Variants in BTBD7 observed in about 807,000 individuals in gnomAD.
The protein encoded by BTBD7 is BTB domain containing 7.
In BTBD7, 38 loss-of-function variants were observed where a neutral mutation model predicts 99.9. The ratio of observed to expected loss-of-function variants is 0.38; its 90% CI spans 0.29 to 0.50. The LOEUF (loss-of-function observed/expected upper bound fraction) is 0.50, where lower values mean the gene tolerates loss of function less well. Among genes scored for constraint, BTBD7 ranks in the 20% least tolerant of loss-of-function variants. BTBD7 has a pLI of 0.93. For synonymous variants in BTBD7, 520 were observed against 511.4 expected (o/e 1.02, Z -0.23); for missense variants, 1,170 against 1,394.6 (o/e 0.84, Z 2.57).
Position 93,242,090 on chromosome 14 carries a change from A to T in BTBD7, c.*183T>A, listed in dbSNP as rs2052236884. On this transcript the variant is annotated 3_prime_UTR_variant, in exon 11 of 11. Transcript: ENST00000334746. The stretch of plus-strand genomic sequence containing the variant: ...CAAATTAGACAGATGCAACATTAAA[A>T]AAAAAAAACAAAACCTTCTTAGCAT... The T allele has an allele frequency of 3.4e-6, 2 of 582,564 alleles. No homozygotes were observed. Among genetic ancestry groups the T allele is most frequent in the Non-Finnish European group, 5.9e-6 (2 of 341,768 alleles). 36.1% of individuals were successfully genotyped at this position (582,564 alleles called of 1,614,324 possible). A position where few individuals can be genotyped will look rare whatever the true frequency, so the allele number is the denominator to read the frequency against.
At chr14:93,272,683 TA>T (rs1447093820) in intron 3 of BTBD7, among the ~76,000 whole-genome samples, 2 of 152,212 alleles carry the variant, frequency 1.3e-5, no homozygotes, top group Non-Finnish European at 2.9e-5. Context: ...AATCTATTTT[TA>T]AAAGGCAACC....
rs772833056 is a variant in BTBD7, at chr14:93,257,301, C to G, written c.1502G>C (p.Arg501Thr). The change falls in exon 6 of 11, where the codon AGA becomes ACA. Residue 501 changes from arginine (R) to threonine (T), a missense_variant. Arg to Thr is a moderately conservative substitution (Grantham distance 71). Coordinates refer to ENST00000334746, the MANE Select transcript of BTBD7 (RefSeq NM_001002860.4). Reference protein sequence around the residue: ...AHSVNKRGVKRRDLDMEELRE... With the variant: ...AHSVNKRGVKTRDLDMEELRE... ...GAGCTCTTCCATGTCCAGGTCCCGT[C>G]TTTTTACACCTCTTTTGTTCACACT... 5.6e-6 allele frequency: 9 copies of G among 1,614,072 alleles called. No individual in the cohort carries two copies. In the South Asian group the frequency reaches 9.9e-5, roughly 18 times the overall value.
At chr14:93,329,709 G>A (rs1249483675) in intron 1 of BTBD7, among the ~76,000 whole-genome samples, 1 of 152,148 alleles carries the variant, frequency 6.6e-6, no homozygotes, top group African/African-American at 2.4e-5. Context: ...GACAAATACT[G>A]TATAATTTCA....
At chr14:93,254,803 A>C (rs2052411262) in intron 6 of BTBD7, among the ~76,000 whole-genome samples, 1 of 152,236 alleles carries the variant, frequency 6.6e-6, no homozygotes, top group African/African-American at 2.4e-5. Context: ...GCACATACTA[A>C]GAGAGCATGA....
At chr14:93,327,021 C>A (rs1417867761) in intron 1 of BTBD7, among the ~76,000 whole-genome samples, 2 of 150,494 alleles carry the variant, frequency 1.3e-5, no homozygotes, top group Non-Finnish European at 1.5e-5. Flanking sequence ...ATTAGCCAGG[C>A]ATGGTGGCAC....
chr14:93,257,178 T>A lies in BTBD7; in HGVS notation c.1608+17A>T. On this transcript the variant is annotated intron_variant, in intron 6 of 10. Transcript: ENST00000334746. ...TTTTTCTTTTCATGAAAGGAATACA[T>A]GGAGAAAAACACTTACTGCATCACT... The A allele has an allele frequency of 3.1e-6, 5 of 1,605,764 alleles. No individual in the cohort carries two copies. The highest frequency in any genetic ancestry group is 4.2e-6 in the Non-Finnish European group (5 of 1,176,906).
intron 3 of BTBD7, chr14:93,288,698 G>A (rs751904377): frequency 1.6e-5 from 25 of 1,608,246 alleles, no homozygotes; most frequent in Non-Finnish European, 2.0e-5. Flanking sequence ...CCTGATGACT[G>A]TAGTCTCCTC....
intron 3 of BTBD7, among the ~76,000 whole-genome samples, chr14:93,269,708 G>A (rs2139718150): frequency 6.6e-6 from 1 of 152,294 alleles, no homozygotes; most frequent in East Asian, 1.9e-4. Flanking sequence ...CAATTGTTTA[G>A]TTTCTAAATG....
At chr14:93,275,246 C>G (rs561908311) in intron 3 of BTBD7, among the ~76,000 whole-genome samples, 1 of 152,320 alleles carries the variant, frequency 6.6e-6, no homozygotes, top group African/African-American at 2.4e-5. Flanking sequence ...TACTTTCTGA[C>G]AGACTGGACA....
intron 3 of BTBD7, among the ~76,000 whole-genome samples, chr14:93,289,878 CAG>C (rs1333974601): frequency 4.1e-5 from 5 of 121,706 alleles, no homozygotes; most frequent in Non-Finnish European, 8.1e-5. Context: ...TTTTTGGAGA[CAG>C]AGTCTCACTC....
chr14:93,313,972 C>G (rs2053170497), intron 1 of BTBD7, among the ~76,000 whole-genome samples: 2 of 152,012 alleles, frequency 1.3e-5, no homozygotes, highest in Non-Finnish European at 2.9e-5. Context: ...TCTTGAACTC[C>G]TAGCCTCAAG....
intron 1 of BTBD7, among the ~76,000 whole-genome samples, chr14:93,317,228 C>A (rs2053218228): frequency 6.6e-6 from 1 of 152,190 alleles, no homozygotes; most frequent in South Asian, 2.1e-4. Context: ...TGGTCTCGAA[C>A]TCCTGACCTT....
intron 3 of BTBD7, among the ~76,000 whole-genome samples, chr14:93,272,762 C>T (rs1183741616): frequency 1.3e-5 from 2 of 152,138 alleles, no homozygotes; most frequent in South Asian, 2.1e-4. Context: ...TCAACCTGCG[C>T]CTCAGTGTTC....
chr14:93,323,234 C>A (rs952667460), intron 1 of BTBD7, among the ~76,000 whole-genome samples: 3 of 151,712 alleles, frequency 2.0e-5, no homozygotes, highest in African/African-American at 7.3e-5. Flanking sequence ...ATAGCAAGAA[C>A]GCGAATAGAA....
intron 1 of BTBD7, among the ~76,000 whole-genome samples, chr14:93,323,727 G>A (rs946580501): frequency 2.0e-5 from 3 of 152,066 alleles, no homozygotes; most frequent in African/African-American, 7.2e-5. Flanking sequence ...TAATAATGAG[G>A]GGCAAGCAAA....
At chr14:93,326,503 A>AC (rs2053333838) in intron 1 of BTBD7, among the ~76,000 whole-genome samples, 1 of 151,676 alleles carries the variant, frequency 6.6e-6, no homozygotes, top group Non-Finnish European at 1.5e-5. Flanking sequence ...ACTAGCATTC[A>AC]CCCAAAAAGA....
intron 3 of BTBD7, among the ~76,000 whole-genome samples, chr14:93,270,375 C>T (rs909915122): frequency 2.0e-5 from 3 of 152,042 alleles, no homozygotes; most frequent in Non-Finnish European, 2.9e-5. Context: ...GGATTACAGG[C>T]GTGAGCCACT....
chr14:93,249,452 T>C (rs2052348272), intron 8 of BTBD7, among the ~76,000 whole-genome samples: 1 of 152,064 alleles, frequency 6.6e-6, no homozygotes, highest in South Asian at 2.1e-4. Flanking sequence ...GGATAAAGAA[T>C]TTAAATTGTA....
At chr14:93,307,416 A>G (rs983411279) in intron 1 of BTBD7, among the ~76,000 whole-genome samples, 6 of 152,316 alleles carry the variant, frequency 3.9e-5, no homozygotes, top group Admixed American at 1.3e-4. Flanking sequence ...CTGGCCTCCC[A>G]AAGTGCTCAG....
Sources: gnomAD v4.1 joint callset for allele counts (sites outside exome capture counted in the v4.1 genomes callset) on GRCh38, gnomAD v4.1.1 for gene constraint, MANE v1.5 for transcripts, NCBI Gene and HGNC (gene_info 2026-07-23, HGNC 2026-07-21) for gene names.